The following CHN1 variants were observed in gnomAD, a reference collection of about 807,000 sequenced individuals.
CHN1 encodes the protein chimerin 1, also known as N-chimaerin.
In CHN1, 37 loss-of-function variants were observed where a neutral mutation model predicts 59.5. That is an observed-to-expected ratio of 0.62 (90% CI 0.48 to 0.82). The LOEUF (loss-of-function observed/expected upper bound fraction) is 0.82. Among genes scored for constraint, CHN1 ranks in the 40% least tolerant of loss-of-function variants. CHN1 has a pLI of 0.00. For synonymous variants in CHN1, 206 were observed against 200.4 expected (o/e 1.03, Z -0.24); for missense variants, 469 against 571.0 (o/e 0.82, Z 1.82).
At chr2:174,858,198 T>C (rs1051270204) in intron 6 of CHN1, among the ~76,000 whole-genome samples, 11 of 152,182 alleles carry the variant, frequency 7.2e-5, no homozygotes, top group African/African-American at 2.7e-4. Context: ...AAAGGGCCTG[T>C]TACAGACTTC....
chr2:174,845,788 G>T (rs960063352), intron 7 of CHN1, among the ~76,000 whole-genome samples: 2 of 116,144 alleles, frequency 1.7e-5, no homozygotes, highest in African/African-American at 6.4e-5. Context: ...GGGTGGGGGG[G>T]GGGGTGTTGG....
chr2:174,860,434 G>A (rs1687033738), intron 6 of CHN1, among the ~76,000 whole-genome samples: 1 of 151,964 alleles, frequency 6.6e-6, no homozygotes, highest in Non-Finnish European at 1.5e-5. Context: ...CTAGACATAT[G>A]GCCAAAGTGT....
Position 174,878,187 on chromosome 2 carries a change from G to A in CHN1, c.261-59C>T, listed in dbSNP as rs376958638. 2.8e-3 allele frequency: 3,673 copies of A among 1,310,400 alleles called. 73 individuals are homozygous for A. The African/African-American group carries it at 0.05, about 18-fold the overall frequency. The allele number at this position is 1,310,400 out of a possible 1,614,324, so 81.2% of individuals were successfully genotyped here. A position where few individuals can be genotyped will look rare whatever the true frequency, so the allele number is the denominator to read the frequency against. On this transcript the variant is annotated intron_variant, in intron 5 of 12. Transcript: ENST00000409900. ...AAAAGTAAGCAACTGAATTCTTTCT[G>A]AAAAAAAAACAAAAACAAAAAAAAA...
chr2:174,952,187 C>G lies in CHN1; in HGVS notation c.35G>C (p.Arg12Thr), dbSNP rs759415648. The change falls in exon 2 of 13, where the codon AGA becomes ACA. Residue 12 changes from arginine (R) to threonine (T), a missense_variant. Arg to Thr is a moderately conservative substitution (Grantham distance 71). Coordinates refer to ENST00000409900, the MANE Select transcript of CHN1 (RefSeq NM_001822.7). Reference protein sequence around the residue: ...ALTLFDTDEYRPPVWKSYLYQ... With the variant: ...ALTLFDTDEYTPPVWKSYLYQ... The stretch of plus-strand genomic sequence containing the variant: ...ACAGTAAGATTTCCAAACAGGAGGT[C>G]TATATTCATCTGTATCTGAAAGAAA... 1.4e-6 allele frequency: 2 copies of G among 1,459,524 alleles called. No individual in the cohort carries two copies. The highest frequency in any genetic ancestry group is 3.0e-5 in the South Asian group (2 of 67,268). The allele number at this position is 1,459,524 out of a possible 1,614,324, so 90.4% of individuals were successfully genotyped here.
intron 11 of CHN1, among the ~76,000 whole-genome samples, chr2:174,807,442 C>T (rs1240607616): frequency 8.8e-6 from 1 of 114,196 alleles, no homozygotes; most frequent in Non-Finnish European, 1.9e-5. Context: ...TTTTCACGGG[C>T]TATCTGTGTG....
chr2:174,904,666 G>A (rs529914182), intron 5 of CHN1, among the ~76,000 whole-genome samples: 5 of 152,140 alleles, frequency 3.3e-5, no homozygotes, highest in Non-Finnish European at 7.3e-5. Flanking sequence ...GCGATTACAG[G>A]CATGAGCCAC....
chr2:174,848,366 A>G (rs1482243056), intron 6 of CHN1, among the ~76,000 whole-genome samples: 1 of 150,272 alleles, frequency 6.7e-6, no homozygotes, highest in Non-Finnish European at 1.5e-5. Flanking sequence ...TGGCTAGGTG[A>G]GAGACTTAGC....
At chr2:174,853,625 T>C (rs373367646) in intron 6 of CHN1, among the ~76,000 whole-genome samples, 1 of 152,214 alleles carries the variant, frequency 6.6e-6, no homozygotes, top group South Asian at 2.1e-4. Context: ...CAGATCATTA[T>C]ACCAAAAAGA....
chr2:174,931,848 C>T (rs779476691), intron 3 of CHN1, among the ~76,000 whole-genome samples: 14 of 152,022 alleles, frequency 9.2e-5, no homozygotes, highest in Admixed American at 6.6e-5. Context: ...GAGAAGTCAG[C>T]GGGAGGGCTG....
chr2:174,830,496 T>C (rs1313720080), intron 7 of CHN1, among the ~76,000 whole-genome samples: 2 of 152,184 alleles, frequency 1.3e-5, no homozygotes, highest in African/African-American at 4.8e-5. Context: ...AGTAATAATG[T>C]ATTAACAAAG....
At chr2:174,930,959 AG>A (rs1201899747) in intron 3 of CHN1, among the ~76,000 whole-genome samples, 2 of 152,100 alleles carry the variant, frequency 1.3e-5, no homozygotes, top group African/African-American at 4.8e-5. Flanking sequence ...CAGTAGAGAC[AG>A]GGTTTCACTA....
chr2:174,932,838 G>A (rs1321783001), intron 3 of CHN1, among the ~76,000 whole-genome samples: 2 of 152,214 alleles, frequency 1.3e-5, no homozygotes, highest in South Asian at 2.1e-4. Context: ...GAGGCCTCCC[G>A]AGCCATACTT....
intron 1 of CHN1, among the ~76,000 whole-genome samples, chr2:175,001,310 A>C (rs1251391065): frequency 1.3e-5 from 2 of 152,264 alleles, no homozygotes; most frequent in Non-Finnish European, 2.9e-5. Context: ...GTCAAATATG[A>C]AAATCTTCAA....
intron 3 of CHN1, among the ~76,000 whole-genome samples, chr2:174,934,147 CTAT>C (rs1354782269): frequency 3.3e-5 from 5 of 152,138 alleles, no homozygotes; most frequent in South Asian, 2.1e-4. Context: ...TACTTTATTT[CTAT>C]TATTATTACA....
At chr2:174,862,828 T>C (rs984097265) in intron 6 of CHN1, among the ~76,000 whole-genome samples, 6 of 152,146 alleles carry the variant, frequency 3.9e-5, no homozygotes, top group African/African-American at 1.2e-4. Flanking sequence ...TTAGAGATGG[T>C]TGTCTTGAGG....
chr2:174,937,981 T>C (rs1159370473), intron 3 of CHN1, among the ~76,000 whole-genome samples: 3 of 152,128 alleles, frequency 2.0e-5, no homozygotes, highest in Non-Finnish European at 4.4e-5. Context: ...GGTATTCCTT[T>C]ATAACAGCAC....
intron 1 of CHN1, among the ~76,000 whole-genome samples, chr2:174,999,500 C>T (rs758581197): frequency 1.2e-4 from 18 of 152,164 alleles, no homozygotes; most frequent in Non-Finnish European, 1.9e-4. Context: ...TAGGTTAAAA[C>T]AATCTTATGA....
chr2:174,905,679 C>T (rs563502427), intron 5 of CHN1, among the ~76,000 whole-genome samples: 6 of 152,218 alleles, frequency 3.9e-5, no homozygotes, highest in African/African-American at 1.4e-4. Context: ...ATTCTCCTGC[C>T]TCAGCCTCCT....
intron 5 of CHN1, among the ~76,000 whole-genome samples, chr2:174,903,136 C>T (rs1449743766): frequency 6.6e-6 from 1 of 152,178 alleles, no homozygotes; most frequent in African/African-American, 2.4e-5. Flanking sequence ...ACTACATTTA[C>T]AGAACACAGA....
Sources: allele counts gnomAD v4.1 joint callset (sites outside exome capture counted in the v4.1 genomes callset), GRCh38; gene constraint gnomAD v4.1.1; transcripts MANE v1.5; gene names NCBI Gene and HGNC (gene_info 2026-07-23, HGNC 2026-07-21).